AKT3: variants seen among roughly 807,000 people sequenced by gnomAD.
The protein encoded by AKT3 is AKT serine/threonine kinase 3.
A neutral mutation model predicts 65.3 loss-of-function variants in AKT3; 15 were observed. The ratio of observed to expected loss-of-function variants is 0.23; its 90% confidence interval spans 0.15 to 0.35. The LOEUF (loss-of-function observed/expected upper bound fraction) is 0.35, where lower values mean the gene tolerates loss of function less well. Ranked by LOEUF, AKT3 falls within the 10% of genes least tolerant of loss-of-function variation. The probability of loss-of-function intolerance (pLI) is 1.00; values close to 1 mark genes in which losing one functional copy is unlikely to be tolerated. For missense variants in AKT3, 243 were observed against 576.5 expected (o/e 0.42, Z 5.92); for synonymous variants, 206 against 183.8 (o/e 1.12, Z -0.98).
chr1:243,827,921 T>A (rs976227208), intron 2 of AKT3, among the ~76,000 whole-genome samples: 1 of 152,198 alleles, frequency 6.6e-6, no homozygotes, highest in Non-Finnish European at 1.5e-5. Context: ...ACTGATCAAC[T>A]CCTCTTTTAC....
chr1:243,529,629 T>C (rs1427738944), intron 12 of AKT3, among the ~76,000 whole-genome samples: 1 of 152,200 alleles, frequency 6.6e-6, no homozygotes, highest in Non-Finnish European at 1.5e-5. Context: ...CTGGGCTATT[T>C]ATTCTGTCCC....
At position 243,789,794 on chromosome 1, in the gene AKT3, G is replaced by A. The variant is rs377613578; in HGVS notation, c.46+53331C>T. 1.1e-4 allele frequency among the ~76,000 whole-genome samples: 16 copies of A among 152,294 alleles called. No homozygotes were observed. The East Asian group carries it at 3.1e-3, about 29-fold the overall frequency. On this transcript the variant is annotated intron_variant, in intron 2 of 13. Coordinates refer to ENST00000673466, the MANE Select transcript of AKT3 (RefSeq NM_005465.7). The stretch of plus-strand genomic sequence containing the variant: ...TAATAAGACTTGAAAGTTGAAATTA[G>A]TCCTTGATACCTGGGCTGCAGAATA...
intron 2 of AKT3, among the ~76,000 whole-genome samples, chr1:243,818,988 T>A (rs931191214): frequency 6.6e-6 from 1 of 152,194 alleles, no homozygotes; most frequent in Admixed American, 6.5e-5. Flanking sequence ...CAGGAAACCA[T>A]GTTTTTTCCA....
intron 2 of AKT3, among the ~76,000 whole-genome samples, chr1:243,836,673 G>T (rs2148462476): frequency 6.6e-6 from 1 of 152,262 alleles, no homozygotes; most frequent in Admixed American, 6.5e-5. Flanking sequence ...CACTTTGGAA[G>T]GCCAAGGCGG....
intron 2 of AKT3, among the ~76,000 whole-genome samples, chr1:243,703,842 G>C (rs1685630677): frequency 6.6e-6 from 1 of 151,532 alleles, no homozygotes; most frequent in Non-Finnish European, 1.5e-5. Context: ...ACTAGCGTAA[G>C]TTTTCAACTG....
intron 2 of AKT3, among the ~76,000 whole-genome samples, chr1:243,761,555 A>G (rs1038665761): frequency 1.3e-5 from 2 of 152,238 alleles, no homozygotes; most frequent in African/African-American, 4.8e-5. Context: ...AGTCTTAAAA[A>G]AAGAAATTTT....
chr1:243,772,297 A>C (rs1394711624), intron 2 of AKT3, among the ~76,000 whole-genome samples: 1 of 152,172 alleles, frequency 6.6e-6, no homozygotes, highest in African/African-American at 2.4e-5. Flanking sequence ...TCATCTGACA[A>C]AGGGCTAATA....
chr1:243,595,157 A>G (rs1317229390), intron 8 of AKT3, among the ~76,000 whole-genome samples: 1 of 152,198 alleles, frequency 6.6e-6, no homozygotes, highest in African/African-American at 2.4e-5. Flanking sequence ...ATAGCCTACT[A>G]CTTCTAGGTA....
chr1:243,688,156 G>GA (rs556515564), intron 3 of AKT3, among the ~76,000 whole-genome samples: 2 of 150,980 alleles, frequency 1.3e-5, no homozygotes, highest in Middle Eastern at 3.5e-3. Flanking sequence ...AGTAAATCAA[G>GA]AAAAAAAAGA....
At position 243,726,235 on chromosome 1, in the gene AKT3, G is replaced by C. The variant is rs548973599; in HGVS notation, c.47-30519C>G. 7.9e-5 allele frequency among the ~76,000 whole-genome samples: 12 copies of C among 152,196 alleles called. No individual in the cohort carries two copies. The South Asian group carries it at 2.5e-3, about 32-fold the overall frequency. On this transcript the variant is annotated intron_variant, in intron 2 of 13. Transcript: ENST00000673466. ...AGCCAAATCCATTTCAATTATTTAC[G>C]AAAGGCAGATAATATCAGAACAAGA...
chr1:243,534,307 T>C (rs1242788456), intron 12 of AKT3, among the ~76,000 whole-genome samples: 1 of 152,188 alleles, frequency 6.6e-6, no homozygotes, highest in Non-Finnish European at 1.5e-5. Flanking sequence ...TAATGATACC[T>C]GGGCCAATTC....
chr1:243,568,195 T>A (rs1386164877), intron 9 of AKT3, among the ~76,000 whole-genome samples: 1 of 152,244 alleles, frequency 6.6e-6, no homozygotes, highest in Non-Finnish European at 1.5e-5. Flanking sequence ...TGTCACTGAC[T>A]GCTTAGGTAC....
intron 2 of AKT3, among the ~76,000 whole-genome samples, chr1:243,781,206 A>C (rs1255846394): frequency 6.6e-6 from 1 of 152,096 alleles, no homozygotes; most frequent in East Asian, 1.9e-4. Context: ...TTTAAAGTTA[A>C]CCGTAGACAT....
intron 6 of AKT3, among the ~76,000 whole-genome samples, chr1:243,618,857 G>A (rs1678533139): frequency 1.3e-5 from 2 of 149,834 alleles, no homozygotes; most frequent in Non-Finnish European, 3.0e-5. Context: ...GGTTATTTGA[G>A]GGAATGAGGT....
intron 6 of AKT3, among the ~76,000 whole-genome samples, chr1:243,630,390 C>A: frequency 6.6e-6 from 1 of 152,182 alleles, no homozygotes; most frequent in African/African-American, 2.4e-5. Context: ...ACCTCTCACA[C>A]TAGAAAACAA....
intron 8 of AKT3, among the ~76,000 whole-genome samples, chr1:243,587,492 TCCCAGCTACTCA>T (rs1675897281): frequency 2.6e-5 from 4 of 152,028 alleles, no homozygotes; most frequent in African/African-American, 9.7e-5. Context: ...GGCGCTGTAA[TCCCAGCTACTCA>T]GGAGGCTGAG....
At chr1:243,518,377 G>A (rs1267089654) in intron 12 of AKT3, among the ~76,000 whole-genome samples, 1 of 152,142 alleles carries the variant, frequency 6.6e-6, no homozygotes, top group Non-Finnish European at 1.5e-5. Context: ...GCTCATGCCT[G>A]TAATCCCAGC....
intron 3 of AKT3, among the ~76,000 whole-genome samples, chr1:243,671,697 G>A (rs1232544614): frequency 6.6e-6 from 1 of 152,160 alleles, no homozygotes; most frequent in Non-Finnish European, 1.5e-5. Context: ...TACGTTCCAA[G>A]CACTGCACAA....
At chr1:243,819,698 C>A (rs1281123482) in intron 2 of AKT3, among the ~76,000 whole-genome samples, 1 of 150,570 alleles carries the variant, frequency 6.6e-6, no homozygotes, top group Non-Finnish European at 1.5e-5. Context: ...CTGAGAGAGA[C>A]CCCCCCAACA....
Sources: gnomAD v4.1 joint callset for allele counts (sites outside exome capture counted in the v4.1 genomes callset) on GRCh38, gnomAD v4.1.1 for gene constraint, MANE v1.5 for transcripts, NCBI Gene and HGNC (gene_info 2026-07-23, HGNC 2026-07-21) for gene names.